Variants in GANC observed in about 807,000 individuals in gnomAD.
GANC encodes the protein glucosidase alpha, neutral C, also known as neutral alpha-glucosidase C.
A neutral mutation model predicts 124.2 loss-of-function variants in GANC; 117 were observed. The ratio of observed to expected loss-of-function variants is 0.94; its 90% CI spans 0.81 to 1.10. GANC has a LOEUF of 1.10. GANC is among the 50% of genes least tolerant of loss of function. The pLI is 0.00. For missense variants in GANC, 1,140 were observed against 1,095.0 expected, an observed-to-expected ratio of 1.04 and a Z score of -0.58; for synonymous variants, 377 against 376.8, an observed-to-expected ratio of 1.00 and a Z score of -0.01.
At chr15:42,294,636 T>G (rs891480454) in intron 5 of GANC, among the ~76,000 whole-genome samples, 1 of 151,404 alleles carries the variant, frequency 6.6e-6, no homozygotes, top group Middle Eastern at 3.4e-3. Flanking sequence ...CAGAAACAAT[T>G]TATGTATACA....
At chr15:42,310,867 C>G (rs2052044257) in intron 10 of GANC, 21 bp downstream of exon 10, 1 of 1,602,832 alleles carries the variant, frequency 6.2e-7, no homozygotes, top group South Asian at 1.1e-5. Context: ...GAAGAAGTGC[C>G]AGTTTCTTGT....
Position 42,273,646 on chromosome 15 carries a change from C to G in GANC, c.-836C>G. ...GTTAGAGAGATCGCTACATGCCAGC[C>G]TGGCCTGAGTCTTTTCTGTCTCCCA... On this transcript the variant is annotated 5_prime_UTR_variant, in exon 1 of 24. Transcript: ENST00000318010. 1 of 557,464 alleles carries G rather than the reference C, an allele frequency of 1.8e-6. No homozygotes were observed. Among genetic ancestry groups the G allele is most frequent in the Middle Eastern group, 5.1e-4 (1 of 1,978 alleles). 34.5% of individuals were successfully genotyped at this position (557,464 alleles called of 1,614,324 possible).
At chr15:42,316,514 G>A (rs11631823) in intron 10 of GANC, among the ~76,000 whole-genome samples, 140,981 of 152,194 alleles carry the variant, frequency 0.93, 66,157 homozygotes, top group Non-Finnish European at 1. Context: ...TCTTCTATGC[G>A]TTTTCTTCTA....
chr15:42,329,917 G>A (rs1044462695), intron 14 of GANC, among the ~76,000 whole-genome samples: 2 of 152,170 alleles, frequency 1.3e-5, no homozygotes, highest in African/African-American at 4.8e-5. Flanking sequence ...AAAATGTAAA[G>A]CCTTCCTTAA....
chr15:42,293,713 G>A lies in GANC; in HGVS notation c.512+796G>A, dbSNP rs376339089. 1.0e-3 allele frequency among the ~76,000 whole-genome samples: 151 copies of A among 151,646 alleles called. 5 individuals are homozygous for A. The highest frequency in any genetic ancestry group is 3.5e-3 in the African/African-American group (143 of 40,962). On this transcript the variant is annotated intron_variant, in intron 5 of 23. Coordinates refer to ENST00000318010, the MANE Select transcript of GANC (RefSeq NM_198141.3). ...GTTTAACTGAAAAATACTAATAATA[G>A]CAGAACAAATATCTGTGTACCCACT...
At chr15:42,325,506 A>G (rs2052191992) in intron 11 of GANC, among the ~76,000 whole-genome samples, 2 of 152,108 alleles carry the variant, frequency 1.3e-5, no homozygotes, top group Non-Finnish European at 2.9e-5. Context: ...CCTTCCTAAT[A>G]TGCCTGCACC....
chr15:42,324,659 C>A (rs940540322), intron 11 of GANC, among the ~76,000 whole-genome samples: 1 of 152,030 alleles, frequency 6.6e-6, no homozygotes, highest in Admixed American at 6.5e-5. Context: ...CATGGATGAA[C>A]CTTGAGGATA....
intron 13 of GANC, 34 bp downstream of exon 13, chr15:42,327,476 C>T (rs1307517828): frequency 6.8e-7 from 1 of 1,461,084 alleles, no homozygotes; most frequent in Admixed American, 1.7e-5. Context: ...TTTCTAGTTA[C>T]CTGAAAGAGT....
intron 3 of GANC, among the ~76,000 whole-genome samples, chr15:42,282,395 G>C (rs1404566107): frequency 6.6e-6 from 1 of 152,188 alleles, no homozygotes; most frequent in Non-Finnish European, 1.5e-5. Flanking sequence ...GTTTCAAGGA[G>C]ATTGCACATT....
chr15:42,340,464 C>T (rs112143619), intron 17 of GANC, among the ~76,000 whole-genome samples: 14,730 of 151,796 alleles, frequency 0.097, 835 homozygotes, highest in South Asian at 0.18. Context: ...ATTAGCTGGG[C>T]GTGGTGGTGT....
Position 42,343,072 on chromosome 15 carries a change from A to T in GANC, c.2153-6A>T. 6.2e-7 allele frequency: 1 copy of T among 1,611,740 alleles called. No homozygotes were observed. The highest frequency in any genetic ancestry group is 8.5e-7 in the Non-Finnish European group (1 of 1,177,886). Reference sequence around the variant, plus strand: ...TACTCAACTTTATTTCCTCTCCATTACTTAGGGAGTGCATTATTGGTTCAT... The same window carrying T: ...TACTCAACTTTATTTCCTCTCCATTTCTTAGGGAGTGCATTATTGGTTCAT... On this transcript the variant is annotated splice_region_variant and splice_polypyrimidine_tract_variant and intron_variant, in intron 18 of 23. Coordinates refer to ENST00000318010, the MANE Select transcript of GANC (RefSeq NM_198141.3).
In GANC at chr15:42,335,569, C is replaced by T. The variant is rs189422179; in HGVS notation, c.1742-2820C>T. On this transcript the variant is annotated intron_variant, in intron 15 of 23. Coordinates refer to ENST00000318010, the MANE Select transcript of GANC (RefSeq NM_198141.3). ...GAAAACTGGCACAATACAAGGATGC[C>T]GTCTGTCACCACTCCTATTCAAAAT... 2.0e-3 allele frequency among the ~76,000 whole-genome samples: 307 copies of T among 152,264 alleles called. 1 individual carries two copies. Among genetic ancestry groups the T allele is most frequent in the African/African-American group, 6.2e-3 (258 of 41,560 alleles).
At chr15:42,278,258 G>A (rs764538008) in intron 2 of GANC, among the ~76,000 whole-genome samples, 5 of 152,064 alleles carry the variant, frequency 3.3e-5, no homozygotes, top group African/African-American at 7.2e-5. Context: ...TTTGAGCAAC[G>A]TTATAATAAT....
intron 4 of GANC, among the ~76,000 whole-genome samples, chr15:42,289,673 A>G (rs2051823139): frequency 6.6e-6 from 1 of 152,190 alleles, no homozygotes; most frequent in Non-Finnish European, 1.5e-5. Flanking sequence ...TGGCTGACCT[A>G]GCTGGATTTG....
At chr15:42,350,653 A>G (rs2052423009) in intron 22 of GANC, among the ~76,000 whole-genome samples, 1 of 149,738 alleles carries the variant, frequency 6.7e-6, no homozygotes, top group East Asian at 2.0e-4. Context: ...CCCGGGTTCA[A>G]GCAATTCTCC....
At chr15:42,329,603 C>T (rs4924673) in intron 14 of GANC, 154 bp downstream of exon 14, 41,639 of 546,984 alleles carry the variant, frequency 0.076, 2,329 homozygotes, top group Admixed American at 0.21. Flanking sequence ...GTAGCCAATA[C>T]AAGACTTTTT....
Position 42,353,485 on chromosome 15 carries a change from A to T in GANC, c.*1346A>T. The T allele has an allele frequency of 1.1e-6, 1 of 939,264 alleles. No homozygotes were observed. The highest frequency in any genetic ancestry group is 1.3e-6 in the Non-Finnish European group (1 of 788,200). The allele number at this position is 939,264 out of a possible 1,614,324, so 58.2% of individuals were successfully genotyped here. ...TAACTGTGCTCTACTTAGCATTCTC[A>T]GGGATCATACCTTAATGTTTTCAGT... On this transcript the variant is annotated 3_prime_UTR_variant, in exon 24 of 24. Transcript: ENST00000318010.
chr15:42,348,050 T>C, intron 20 of GANC, 53 bp from the exon 21 acceptor site: 2 of 1,021,332 alleles, frequency 2.0e-6, no homozygotes, highest in Non-Finnish European at 1.4e-6. Flanking sequence ...AAATTCTACC[T>C]TGAAATTTTC....
At chr15:42,313,416 G>A (rs767462591) in intron 10 of GANC, among the ~76,000 whole-genome samples, 1 of 152,162 alleles carries the variant, frequency 6.6e-6, no homozygotes, top group Non-Finnish European at 1.5e-5. Flanking sequence ...AAACTTTTGT[G>A]CATCAAAGAA....
Sources: allele counts gnomAD v4.1 joint callset (sites outside exome capture counted in the v4.1 genomes callset), GRCh38; gene constraint gnomAD v4.1.1; transcripts MANE v1.5; gene names NCBI Gene and HGNC (gene_info 2026-07-23, HGNC 2026-07-21).